CORIN: variants seen among roughly 807,000 people sequenced by gnomAD.
CORIN encodes atrial natriuretic peptide-converting enzyme.
Under a neutral mutation model 125.3 loss-of-function variants are expected in CORIN, and 117 were observed. The ratio of observed to expected loss-of-function variants is 0.93; its 90% confidence interval spans 0.80 to 1.09. The LOEUF is 1.09. CORIN is among the 50% of genes least tolerant of loss of function. The probability of loss-of-function intolerance (pLI) is 0.00; values close to 1 mark genes in which losing one functional copy is unlikely to be tolerated. For missense variants in CORIN, 1,253 were observed against 1,306.7 expected (o/e 0.96, Z 0.63); for synonymous variants, 450 against 466.4 (o/e 0.96, Z 0.45).
chr4:47,755,047 T>C (rs746145006), intron 4 of CORIN, among the ~76,000 whole-genome samples: 1 of 152,212 alleles, frequency 6.6e-6, no homozygotes, highest in Non-Finnish European at 1.5e-5. Context: ...TAAACGGACC[T>C]GCCTCTCAAC....
chr4:47,802,684 A>T (rs1731599511), intron 2 of CORIN, among the ~76,000 whole-genome samples: 1 of 152,130 alleles, frequency 6.6e-6, no homozygotes. Context: ...GGCCTGGGGG[A>T]GCTCACTGCC....
chr4:47,673,607 G>A (rs1204165418), intron 10 of CORIN, among the ~76,000 whole-genome samples: 3 of 151,904 alleles, frequency 2.0e-5, no homozygotes, highest in African/African-American at 2.4e-5. Context: ...TTTCACTTCC[G>A]CCCATTCTGT....
At chr4:47,694,676 T>C (rs992618154) in intron 5 of CORIN, among the ~76,000 whole-genome samples, 1 of 152,194 alleles carries the variant, frequency 6.6e-6, no homozygotes, top group Non-Finnish European at 1.5e-5. Flanking sequence ...ATGTCTGTTA[T>C]AGTTCCCATC....
At chr4:47,694,481 ATG>A (rs368729113) in intron 5 of CORIN, among the ~76,000 whole-genome samples, 5 of 141,108 alleles carry the variant, frequency 3.5e-5, no homozygotes, top group East Asian at 2.4e-4. Flanking sequence ...GTGTTTGTGT[ATG>A]TGTGTGTGTG....
intron 16 of CORIN, among the ~76,000 whole-genome samples, chr4:47,638,779 G>T (rs1056320577): frequency 1.3e-5 from 2 of 152,132 alleles, no homozygotes; most frequent in African/African-American, 2.4e-5. Flanking sequence ...GAATTTAGGG[G>T]CTTGATTTAT....
chr4:47,642,708 A>T, intron 15 of CORIN: 1 of 645,546 alleles, frequency 1.5e-6, no homozygotes, highest in Non-Finnish European at 2.4e-6. Flanking sequence ...AGATGTCTTT[A>T]ATTCCTGTCT....
chr4:47,699,994 C>T (rs2109755986), intron 5 of CORIN, among the ~76,000 whole-genome samples: 1 of 152,308 alleles, frequency 6.6e-6, no homozygotes, highest in South Asian at 2.1e-4. Context: ...TTTGGGGCCA[C>T]ATCATGGATT....
At position 47,832,824 on chromosome 4, in the gene CORIN, AAGG is replaced by A. The variant is rs553055175; in HGVS notation, c.63+5060_63+5062del. Among the ~76,000 whole-genome samples the A allele has an allele frequency of 3.0e-4, 46 of 152,336 alleles. No individual in the cohort carries two copies. In the South Asian group the frequency reaches 9.3e-3, roughly 31 times the overall value. On this transcript the variant is annotated intron_variant, in intron 1 of 21. Transcript: ENST00000273857. Reference sequence around the variant, plus strand: ...CTGCCTGAGAGAACAGCCTGCAACGAAGGAGATCATGTATCTGTGCTGCCCAAT... The same window carrying A: ...CTGCCTGAGAGAACAGCCTGCAACGAAGATCATGTATCTGTGCTGCCCAAT...
chr4:47,621,939 A>G (rs13114184), intron 19 of CORIN, among the ~76,000 whole-genome samples: 34,470 of 140,526 alleles, frequency 0.25, 4,372 homozygotes, highest in Admixed American at 0.32. Context: ...ATGCTGGTGC[A>G]CTGCACCCAC....
intron 9 of CORIN, among the ~76,000 whole-genome samples, chr4:47,677,145 T>A (rs754878336): frequency 6.6e-6 from 1 of 152,140 alleles, no homozygotes; most frequent in Non-Finnish European, 1.5e-5. Flanking sequence ...ATATATTGAG[T>A]TTTTGCCATA....
intron 1 of CORIN, among the ~76,000 whole-genome samples, chr4:47,817,388 C>T (rs1031526131): frequency 1.3e-5 from 2 of 151,976 alleles, no homozygotes; most frequent in African/African-American, 4.8e-5. Context: ...GAACAACACA[C>T]ATGGAGTGAT....
chr4:47,758,834 C>T (rs1002616668), intron 4 of CORIN, among the ~76,000 whole-genome samples: 9 of 152,228 alleles, frequency 5.9e-5, no homozygotes, highest in African/African-American at 2.2e-4. Context: ...GTTTGCTTCC[C>T]TTTCCACCAT....
intron 5 of CORIN, among the ~76,000 whole-genome samples, chr4:47,723,448 T>G (rs1727444470): frequency 6.6e-6 from 1 of 152,172 alleles, no homozygotes; most frequent in African/African-American, 2.4e-5. Flanking sequence ...GATATCAGAC[T>G]GATCCCTGGG....
At chr4:47,653,077 C>T (rs1321160676) in intron 13 of CORIN, among the ~76,000 whole-genome samples, 2 of 152,150 alleles carry the variant, frequency 1.3e-5, no homozygotes, top group Non-Finnish European at 2.9e-5. Context: ...TGGCACAATA[C>T]AATAAGATAT....
intron 4 of CORIN, among the ~76,000 whole-genome samples, chr4:47,745,989 T>A (rs1728645902): frequency 6.6e-6 from 1 of 152,140 alleles, no homozygotes; most frequent in Non-Finnish European, 1.5e-5. Context: ...AATTCAACAG[T>A]GAGGATGTTG....
intron 6 of CORIN, among the ~76,000 whole-genome samples, chr4:47,690,517 C>A (rs964311314): frequency 1.3e-4 from 20 of 152,338 alleles, no homozygotes; most frequent in African/African-American, 4.6e-4. Flanking sequence ...CAATGAACTA[C>A]ACAGGCCACC....
At chr4:47,786,685 G>A (rs1297642837) in intron 3 of CORIN, 40 bp downstream of exon 3, 4 of 1,518,642 alleles carry the variant, frequency 2.6e-6, no homozygotes, top group Non-Finnish European at 3.6e-6. Flanking sequence ...CTACCTGTGG[G>A]ACATTAAAAG....
At chr4:47,627,970 C>T (rs1224696864) in intron 16 of CORIN, among the ~76,000 whole-genome samples, 2 of 152,142 alleles carry the variant, frequency 1.3e-5, no homozygotes, top group Non-Finnish European at 2.9e-5. Flanking sequence ...CCCAGCTGCC[C>T]TGAGGAAGGG....
At chr4:47,765,469 TG>T (rs1030636044) in intron 3 of CORIN, among the ~76,000 whole-genome samples, 25 of 152,240 alleles carry the variant, frequency 1.6e-4, no homozygotes, top group Non-Finnish European at 1.5e-4. Flanking sequence ...TTCAACTTTT[TG>T]CTATTATATT....
Sources: gnomAD v4.1 joint callset for allele counts (sites outside exome capture counted in the v4.1 genomes callset) on GRCh38, gnomAD v4.1.1 for gene constraint, MANE v1.5 for transcripts, NCBI Gene and HGNC (gene_info 2026-07-23, HGNC 2026-07-21) for gene names.